UBXN2B: variants seen among roughly 807,000 people sequenced by gnomAD.
UBXN2B encodes UBX domain-containing protein 2B.
UBXN2B carries 19 observed loss-of-function variants against 37.5 expected under a neutral mutation model. The ratio of observed to expected loss-of-function variants is 0.51; its 90% CI spans 0.35 to 0.74. The LOEUF (loss-of-function observed/expected upper bound fraction) is 0.74, where lower values mean the gene tolerates loss of function less well. Ranked by LOEUF, UBXN2B falls within the 30% of genes least tolerant of loss-of-function variation. UBXN2B has a pLI of 0.01. For missense variants in UBXN2B, 370 were observed against 393.2 expected (o/e 0.94, Z 0.50); for synonymous variants, 145 against 143.8 (o/e 1.01, Z -0.06).
At chr8:58,413,721 T>C (rs1034090118) in intron 1 of UBXN2B, among the ~76,000 whole-genome samples, 3 of 151,984 alleles carry the variant, frequency 2.0e-5, no homozygotes, top group African/African-American at 7.3e-5. Context: ...CCAAAAGGCC[T>C]CCCAGCCCTG....
intron 2 of UBXN2B, among the ~76,000 whole-genome samples, chr8:58,427,964 A>G (rs1808146567): frequency 6.6e-6 from 1 of 152,236 alleles, no homozygotes; most frequent in Non-Finnish European, 1.5e-5. Flanking sequence ...GAAACAAACA[A>G]TTTTGGTATG....
At chr8:58,424,738 A>G in intron 2 of UBXN2B, 5 of 1,408,960 alleles carry the variant, frequency 3.5e-6, no homozygotes, top group Non-Finnish European at 5.0e-6. Context: ...AGAATACTTA[A>G]TATTTGTATA....
chr8:58,423,739 A>G (rs1464218908), intron 2 of UBXN2B, among the ~76,000 whole-genome samples: 4 of 139,268 alleles, frequency 2.9e-5, no homozygotes, highest in Non-Finnish European at 6.4e-5. Flanking sequence ...CCAGCCGGGG[A>G]TGGGTTTTTT....
At chr8:58,426,753 T>C (rs1473288977) in intron 2 of UBXN2B, 6 of 647,258 alleles carry the variant, frequency 9.3e-6, no homozygotes, top group Admixed American at 7.8e-5. Flanking sequence ...CTCGGTCACG[T>C]TGGGCTGGCC....
chr8:58,430,449 C>A, intron 2 of UBXN2B, 70 bp from the exon 3 acceptor site: 1 of 1,106,650 alleles, frequency 9.0e-7, no homozygotes, highest in South Asian at 3.1e-5. Flanking sequence ...TTTCATAAGA[C>A]TATGTAGCTT....
Position 58,447,622 on chromosome 8 carries a change from C to T in UBXN2B, c.*71C>T, listed in dbSNP as rs537559639. On this transcript the variant is annotated 3_prime_UTR_variant, in exon 8 of 8. Coordinates refer to ENST00000399598, the MANE Select transcript of UBXN2B (RefSeq NM_001077619.2). Reference sequence around the variant, plus strand: ...CGTATTAATAAGGACAATACTTCAGCATTAAAAACAGCCAAATTATTTTTA... The same window carrying T: ...CGTATTAATAAGGACAATACTTCAGTATTAAAAACAGCCAAATTATTTTTA... 1,025 of 1,325,966 alleles carry T rather than the reference C, an allele frequency of 7.7e-4. 19 individuals are homozygous for T. In the South Asian group the frequency reaches 0.02, roughly 26 times the overall value. The allele number at this position is 1,325,966 out of a possible 1,614,324, so 82.1% of individuals were successfully genotyped here. A position where few individuals can be genotyped will look rare whatever the true frequency, so the allele number is the denominator to read the frequency against.
chr8:58,449,526 A>G lies in UBXN2B; in HGVS notation c.*1975A>G, dbSNP rs1196728501. On this transcript the variant is annotated 3_prime_UTR_variant, in exon 8 of 8. Coordinates refer to ENST00000399598, the MANE Select transcript of UBXN2B (RefSeq NM_001077619.2). ...GTGTGATTTCTGGGACATAATTCCA[A>G]CTGTGCACTTGTGAACCTAGAAAAC... is the stretch of plus-strand genomic sequence containing the variant. The G allele has an allele frequency of 3.9e-5, 6 of 152,138 alleles. No individual in the cohort carries two copies. The highest frequency in any genetic ancestry group is 8.8e-5 in the Non-Finnish European group (6 of 68,034). The allele number at this position is 152,138 out of a possible 1,614,324, so 9.4% of individuals were successfully genotyped here. A position where few individuals can be genotyped will look rare whatever the true frequency, so the allele number is the denominator to read the frequency against.
intron 2 of UBXN2B, among the ~76,000 whole-genome samples, chr8:58,421,116 T>C (rs1462136289): frequency 1.3e-5 from 2 of 152,182 alleles, no homozygotes; most frequent in African/African-American, 4.8e-5. Flanking sequence ...CAAGATATTA[T>C]TAGTTTTAAA....
chr8:58,442,997 AGC>A (rs1808586842), intron 6 of UBXN2B, among the ~76,000 whole-genome samples: 1 of 152,152 alleles, frequency 6.6e-6, no homozygotes, highest in Non-Finnish European at 1.5e-5. Flanking sequence ...GCTCCTCAAC[AGC>A]TGTGAGCTGA....
rs1205310791 is a variant in UBXN2B at position 58,450,018 on chromosome 8, G to C, written c.*2467G>C. 4 of 152,154 alleles carry C rather than the reference G, an allele frequency of 2.6e-5. No homozygotes were observed. The highest frequency in any genetic ancestry group is 5.9e-5 in the Non-Finnish European group (4 of 68,020). 9.4% of individuals were successfully genotyped at this position (152,154 alleles called of 1,614,324 possible). ...TTCTGAAATAGCTGAGAGGATCTATGATTCACACCCTTAATATCTTCAAAG... is the reference window on the plus strand; with the variant it reads ...TTCTGAAATAGCTGAGAGGATCTATCATTCACACCCTTAATATCTTCAAAG... On this transcript the variant is annotated 3_prime_UTR_variant, in exon 8 of 8. Transcript: ENST00000399598.
In UBXN2B at chr8:58,448,436, A is replaced by G. The variant is rs1405721230; in HGVS notation, c.*885A>G. ...TGATCCACCCACCTCAGCCTCCCAA[A>G]GTGCTGGGATTACAGGCATGAGCCA... On this transcript the variant is annotated 3_prime_UTR_variant, in exon 8 of 8. Coordinates refer to ENST00000399598, the MANE Select transcript of UBXN2B (RefSeq NM_001077619.2). The G allele has an allele frequency of 1.3e-5, 2 of 152,132 alleles. No homozygotes were observed. Among genetic ancestry groups the G allele is most frequent in the Non-Finnish European group, 2.9e-5 (2 of 68,030 alleles). The allele number at this position is 152,132 out of a possible 1,614,324, so 9.4% of individuals were successfully genotyped here.
chr8:58,441,660 T>G (rs928871400), intron 6 of UBXN2B, among the ~76,000 whole-genome samples: 1 of 152,082 alleles, frequency 6.6e-6, no homozygotes, highest in Non-Finnish European at 1.5e-5. Flanking sequence ...AGCCAGTGAT[T>G]ATTAAACTCA....
At chr8:58,434,576 T>C (rs1230454539) in intron 5 of UBXN2B, 72 bp downstream of exon 5, 1 of 1,137,312 alleles carries the variant, frequency 8.8e-7, no homozygotes, top group Non-Finnish European at 1.2e-6. Flanking sequence ...TACTCATTAT[T>C]AGTGCACTAC....
chr8:58,430,749 G>A, intron 3 of UBXN2B, 80 bp downstream of exon 3: 3 of 1,110,030 alleles, frequency 2.7e-6, no homozygotes, highest in Non-Finnish European at 3.5e-6. Flanking sequence ...TGCAAACATT[G>A]TTTTTCTAAT....
Position 58,418,266 on chromosome 8 carries a change from A to T in UBXN2B, c.188+1313A>T, listed in dbSNP as rs796144343. ...CAAAAAAAAAAAAAAAAAAAAAAAA[A>T]TTAATAGTAATTCTGTGATGCCATT... is the stretch of plus-strand genomic sequence containing the variant. On this transcript the variant is annotated intron_variant, in intron 2 of 7. Transcript: ENST00000399598. 4.8e-5 allele frequency among the ~76,000 whole-genome samples: 7 copies of T among 144,568 alleles called. No homozygotes were observed. In the East Asian group the frequency reaches 1.4e-3, roughly 29 times the overall value. 94.8% of individuals were successfully genotyped at this position (144,568 alleles called of 152,430 possible).
intron 1 of UBXN2B, among the ~76,000 whole-genome samples, chr8:58,416,426 T>G (rs939037307): frequency 6.6e-6 from 1 of 152,128 alleles, no homozygotes; most frequent in African/African-American, 2.4e-5. Context: ...GAAATTGTTT[T>G]ATATGCTTGG....
intron 1 of UBXN2B, among the ~76,000 whole-genome samples, 190 bp downstream of exon 1, chr8:58,411,659 A>G (rs1228718474): frequency 1.3e-5 from 2 of 152,198 alleles, no homozygotes; most frequent in Non-Finnish European, 2.9e-5. Context: ...ACAAGTGCCC[A>G]AGCCTCCAGC....
chr8:58,415,492 A>G (rs1563455331), intron 1 of UBXN2B, among the ~76,000 whole-genome samples: 1 of 151,998 alleles, frequency 6.6e-6, no homozygotes, highest in Non-Finnish European at 1.5e-5. Context: ...ATGGAGTAGT[A>G]AAGGACCATA....
intron 2 of UBXN2B, among the ~76,000 whole-genome samples, chr8:58,421,691 A>G (rs934314251): frequency 7.2e-4 from 109 of 152,168 alleles, no homozygotes; most frequent in African/African-American, 2.5e-3. Context: ...AGCTTTCTCC[A>G]TCATCCCAGC....
Sources: allele counts gnomAD v4.1 joint callset (sites outside exome capture counted in the v4.1 genomes callset), GRCh38; gene constraint gnomAD v4.1.1; transcripts MANE v1.5; gene names NCBI Gene and HGNC (gene_info 2026-07-23, HGNC 2026-07-21).